TSGA10IP: variants seen among roughly 807,000 people sequenced by gnomAD.
TSGA10IP encodes testis-specific protein 10-interacting protein.
In TSGA10IP, 64 loss-of-function variants were observed where a neutral mutation model predicts 63.2. The ratio of observed to expected loss-of-function variants is 1.01; its 90% CI spans 0.83 to 1.25. The LOEUF (loss-of-function observed/expected upper bound fraction) is 1.25. Among genes scored for constraint, TSGA10IP ranks in the 50% most tolerant of loss-of-function variants. TSGA10IP has a pLI of 0.00. For missense variants in TSGA10IP, 681 were observed against 710.1 expected, an observed-to-expected ratio of 0.96 and a Z score of 0.47; for synonymous variants, 316 against 298.3, an observed-to-expected ratio of 1.06 and a Z score of -0.61.
At chr11:65,956,818 C>T (rs1362138866) in intron 5 of TSGA10IP, among the ~76,000 whole-genome samples, 5 of 152,152 alleles carry the variant, frequency 3.3e-5, no homozygotes, top group Non-Finnish European at 5.9e-5. Context: ...CGTGAGCCAC[C>T]GCGCCCAGCC....
In TSGA10IP at chr11:65,948,286, A is replaced by G. The variant is rs585897; in HGVS notation, c.1151+138A>G. On this transcript the variant is annotated intron_variant, in intron 4 of 7. Coordinates refer to ENST00000532620, the Ensembl canonical transcript of TSGA10IP. ...CACCAAACTTTTGGATCATCCATCCATCCATCCATCCATCCATCCATCCAT... is the reference window on the plus strand; with the variant it reads ...CACCAAACTTTTGGATCATCCATCCGTCCATCCATCCATCCATCCATCCAT... 2.0e-4 allele frequency: 154 copies of G among 757,986 alleles called. 1 individual carries two copies. In the African/African-American group the frequency reaches 2.5e-3, roughly 12 times the overall value. 47.0% of individuals were successfully genotyped at this position (757,986 alleles called of 1,614,324 possible). A position where few individuals can be genotyped will look rare whatever the true frequency, so the allele number is the denominator to read the frequency against.
At chr11:65,951,518 T>TATTATTATTA (rs1555055828) in intron 4 of TSGA10IP, among the ~76,000 whole-genome samples, 1 of 139,116 alleles carries the variant, frequency 7.2e-6, no homozygotes, top group African/African-American at 2.7e-5. Context: ...ATTTGCTTAT[T>TATTATTATTA]TTATTATTAT....
At chr11:65,953,662 C>A in exon 5 of TSGA10IP, 1 of 1,591,106 alleles carries the variant, frequency 6.3e-7, no homozygotes, top group Non-Finnish European at 8.5e-7. Flanking sequence ...CGGCAGGTGG[C>A]CCACTGCCTG....
At chr11:65,948,451 T>TGC in intron 4 of TSGA10IP, among the ~76,000 whole-genome samples, 1 of 152,240 alleles carries the variant, frequency 6.6e-6, no homozygotes, top group Non-Finnish European at 1.5e-5. Context: ...TCCATTAAAT[T>TGC]ATTAACTAAG....
exon 3 of TSGA10IP, chr11:65,947,234 A>T: frequency 6.2e-7 from 1 of 1,609,990 alleles, no homozygotes; most frequent in Admixed American, 1.7e-5. Flanking sequence ...AGCCCTGCCC[A>T]TGCCCTCCTC....
exon 5 of TSGA10IP, chr11:65,953,682 G>A: frequency 3.1e-6 from 5 of 1,587,722 alleles, no homozygotes; most frequent in South Asian, 1.1e-5. Context: ...GGCAGCCTAC[G>A]CACCCAGAGG....
rs758060674 is a variant in TSGA10IP at position 65,959,804 on chromosome 11, C to G, written c.1548-13C>G. ...GAGCTGCAGAGTCAGGGGCCTCTAT[C>G]TGTGTCTTGAAGGAGCCACAGGTCA... is the stretch of plus-strand genomic sequence containing the variant. On this transcript the variant is annotated splice_polypyrimidine_tract_variant and intron_variant, in intron 7 of 7. Coordinates refer to ENST00000532620, the Ensembl canonical transcript of TSGA10IP. The G allele has an allele frequency of 3.9e-6, 6 of 1,550,012 alleles. No homozygotes were observed. The South Asian group carries it at 7.1e-5, about 18-fold the overall frequency.
intron 4 of TSGA10IP, among the ~76,000 whole-genome samples, chr11:65,952,055 T>C (rs941903993): frequency 6.6e-6 from 1 of 152,104 alleles, no homozygotes; most frequent in Non-Finnish European, 1.5e-5. Flanking sequence ...GGTTTCACCA[T>C]GTTGGCCAGA....
At chr11:65,955,871 C>G (rs1450995056) in intron 5 of TSGA10IP, among the ~76,000 whole-genome samples, 1 of 152,138 alleles carries the variant, frequency 6.6e-6, no homozygotes, top group Non-Finnish European at 1.5e-5. Context: ...CCTGAGCACT[C>G]AAATCCTCCG....
At chr11:65,954,887 G>A (rs73496466) in intron 5 of TSGA10IP, among the ~76,000 whole-genome samples, 3,606 of 152,098 alleles carry the variant, frequency 0.024, 43 homozygotes, top group African/African-American at 0.035. Flanking sequence ...GCCTTAAGAG[G>A]AATTCCTTTT....
exon 3 of TSGA10IP, chr11:65,947,396 G>A (rs1477497163): frequency 1.9e-6 from 3 of 1,612,986 alleles, no homozygotes; most frequent in African/African-American, 1.3e-5. Flanking sequence ...AGGGGAGCTA[G>A]GATCAGAGCC....
chr11:65,948,928 T>C (rs933354473), intron 4 of TSGA10IP, among the ~76,000 whole-genome samples: 2 of 151,922 alleles, frequency 1.3e-5, no homozygotes, highest in Admixed American at 6.6e-5. Flanking sequence ...TGAGCTGAGA[T>C]TGCAGCACTG....
chr11:65,959,311 C>T, exon 7 of TSGA10IP: 1 of 1,611,064 alleles, frequency 6.2e-7, no homozygotes, highest in Non-Finnish European at 8.5e-7. Context: ...CCCAGGAAAC[C>T]CAGGTGAGTC....
exon 1 of TSGA10IP, chr11:65,945,801 G>C: frequency 6.2e-7 from 1 of 1,613,900 alleles, no homozygotes; most frequent in Non-Finnish European, 8.5e-7. Context: ...AGCTGCTGTC[G>C]ACCGTCTCTC....
intron 5 of TSGA10IP, among the ~76,000 whole-genome samples, chr11:65,957,676 C>T (rs1316263679): frequency 6.6e-6 from 1 of 152,214 alleles, no homozygotes; most frequent in Non-Finnish European, 1.5e-5. Context: ...CTGAGTTTTT[C>T]CACCGGGCCC....
At position 65,945,870 on chromosome 11, in the gene TSGA10IP, G is replaced by A. The variant is rs557254351; in HGVS notation, c.147+48G>A. ...ACTTCCAGCTGCCTAGAGCCAGGTG[G>A]GTCAGGGAGGCCTGGGCTGGGGAGG... On this transcript the variant is annotated intron_variant, in intron 1 of 7. Coordinates refer to ENST00000532620, the Ensembl canonical transcript of TSGA10IP. The A allele has an allele frequency of 1.7e-5, 27 of 1,596,576 alleles. No individual in the cohort carries two copies. In the East Asian group the frequency reaches 5.6e-4, roughly 33 times the overall value.
intron 1 of TSGA10IP, 67 bp downstream of exon 1, chr11:65,945,889 G>A: frequency 6.4e-7 from 1 of 1,563,258 alleles, no homozygotes; most frequent in African/African-American, 1.4e-5. Flanking sequence ...GGCCTGGGCT[G>A]GGGAGGCCCT....
exon 6 of TSGA10IP, chr11:65,958,909 A>G: frequency 6.2e-7 from 1 of 1,613,154 alleles, no homozygotes; most frequent in Middle Eastern, 1.7e-4. Flanking sequence ...CGCTTTGCTG[A>G]GTACCAGGCG....
chr11:65,953,034 T>TTTC (rs1565307526), intron 4 of TSGA10IP, among the ~76,000 whole-genome samples: 10 of 146,766 alleles, frequency 6.8e-5, no homozygotes, highest in African/African-American at 2.6e-4. Context: ...TTCTTTCTTT[T>TTTC]TTTTTTTTTT....
Sources: allele counts gnomAD v4.1 joint callset (sites outside exome capture counted in the v4.1 genomes callset), GRCh38; gene constraint gnomAD v4.1.1; transcripts MANE v1.5; gene names NCBI Gene and HGNC (gene_info 2026-07-23, HGNC 2026-07-21).